The following ZNF846 variants were observed in gnomAD, a reference collection of about 807,000 sequenced individuals.
The protein encoded by ZNF846 is zinc finger protein 420 pseudogene.
Under a neutral mutation model 16.0 loss-of-function variants are expected in ZNF846, and 15 were observed. The ratio of observed to expected loss-of-function variants is 0.94; its 90% confidence interval spans 0.63 to 1.45. The LOEUF (loss-of-function observed/expected upper bound fraction) is 1.45, where lower values mean the gene tolerates loss of function less well. Ranked by LOEUF, ZNF846 falls within the 40% of genes most tolerant of loss-of-function variation. The pLI is 0.00. For synonymous variants in ZNF846, 229 were observed against 212.0 expected (o/e 1.08, Z -0.70); for missense variants, 714 against 622.3 (o/e 1.15, Z -1.57).
Position 9,758,227 on chromosome 19 carries a change from AT to A in ZNF846, c.849del (p.Lys283AsnfsTer75), listed in dbSNP as rs1177833160. On this transcript the variant is annotated frameshift_variant, in exon 6 of 6. Transcript: ENST00000397902. LOFTEE classifies it low-confidence loss of function (END_TRUNC). ...GTGAAGGCTTTCCCACACTCTTTACATTTATATGGTTTTTCTCCACTGTGAG... is the reference window on the plus strand; with the variant it reads ...GTGAAGGCTTTCCCACACTCTTTACATTATATGGTTTTTCTCCACTGTGAG... 1 of 1,613,222 alleles carries A rather than the reference AT, an allele frequency of 6.2e-7. No homozygotes were observed. The highest frequency in any genetic ancestry group is 8.5e-7 in the Non-Finnish European group (1 of 1,179,970).
chr19:9,752,226 G>C (rs887040953), exon 6 of ZNF846: 1 of 167,266 alleles, frequency 6.0e-6, no homozygotes, highest in Non-Finnish European at 1.3e-5. Context: ...TTTTAATCTT[G>C]ATATTCATTA....
At chr19:9,753,235 T>TTG (rs2045102505), downstream of ZNF846, among the ~76,000 whole-genome samples, 1 of 113,544 alleles carries the variant, frequency 8.8e-6, no homozygotes, top group Non-Finnish European at 2.0e-5. Context: ...TTTATTTATT[T>TTG]ATTTATTTAT....
At chr19:9,778,880 T>G (rs2045473547) in intron 1 of ZNF846, among the ~76,000 whole-genome samples, 3 of 140,446 alleles carry the variant, frequency 2.1e-5, no homozygotes. Context: ...CTGGGCTCAA[T>G]CCATCCTCCC....
chr19:9,757,925 G>A (rs1177306565), exon 6 of ZNF846: 2 of 1,613,470 alleles, frequency 1.2e-6, no homozygotes, highest in Non-Finnish European at 8.5e-7. Context: ...GTGTTCTCAT[G>A]TGTAAAACAA....
intron 4 of ZNF846, among the ~76,000 whole-genome samples, chr19:9,761,769 GC>G (rs1215033038): frequency 1.1e-4 from 17 of 152,046 alleles, no homozygotes; most frequent in Middle Eastern, 3.4e-3. Context: ...GAAAACTGAG[GC>G]TGGTAGTAAG....
chr19:9,757,164 C>G (rs1186489345), downstream of ZNF846, among the ~76,000 whole-genome samples: 4 of 150,434 alleles, frequency 2.7e-5, no homozygotes, highest in Admixed American at 6.6e-5. Context: ...CACTGTACTC[C>G]AGCCTGGGTG....
In ZNF846 at chr19:9,762,517, G is replaced by A. The variant is rs536439953; in HGVS notation, c.143-349C>T. On this transcript the variant is annotated intron_variant, in intron 3 of 5. Coordinates refer to ENST00000397902, the Ensembl canonical transcript of ZNF846. ...GCAGGGCATGCTGGCACAGGTCTGTGGTCCCAGCTACTCAGAAGGTTGAGG... is the reference window on the plus strand; with the variant it reads ...GCAGGGCATGCTGGCACAGGTCTGTAGTCCCAGCTACTCAGAAGGTTGAGG... The A allele has an allele frequency of 9.3e-4, 178 of 191,232 alleles. 4 individuals carry two copies. In the South Asian group the frequency reaches 0.017, roughly 18 times the overall value. The allele number at this position is 191,232 out of a possible 1,614,324, so 11.8% of individuals were successfully genotyped here. A position where few individuals can be genotyped will look rare whatever the true frequency, so the allele number is the denominator to read the frequency against.
chr19:9,778,803 CAAAAA>C (rs56001426), intron 1 of ZNF846, among the ~76,000 whole-genome samples: 2 of 51,366 alleles, frequency 3.9e-5, no homozygotes, highest in Non-Finnish European at 8.2e-5. Flanking sequence ...AAACTCGTCT[CAAAAA>C]AAAAAAAAAA....
exon 2 of ZNF846, chr19:9,765,021 C>A (rs1311523982): frequency 2.6e-6 from 4 of 1,567,870 alleles, no homozygotes; most frequent in Non-Finnish European, 3.5e-6. Context: ...CAGAAAGTGT[C>A]CTGGAAAAAA....
chr19:9,762,117 T>C, exon 4 of ZNF846: 1 of 1,614,080 alleles, frequency 6.2e-7, no homozygotes, highest in Non-Finnish European at 8.5e-7. Flanking sequence ...CCTCAGCTCT[T>C]CCATTTGTTC....
intron 3 of ZNF846, 61 bp from the exon 4 acceptor site, chr19:9,762,229 T>TG: frequency 7.7e-7 from 1 of 1,305,946 alleles, no homozygotes; most frequent in Non-Finnish European, 1.1e-6. Flanking sequence ...TGTCCTTCAA[T>TG]GGGGAACCAA....
At chr19:9,753,268 T>TTTA (rs2045103384), downstream of ZNF846, among the ~76,000 whole-genome samples, 1 of 73,796 alleles carries the variant, frequency 1.4e-5, no homozygotes, top group Non-Finnish European at 2.9e-5. Context: ...TTATTTATTT[T>TTTA]TGACATGGAG....
exon 6 of ZNF846, chr19:9,758,435 C>T (rs1255174419): frequency 1.2e-6 from 2 of 1,613,034 alleles, no homozygotes; most frequent in Non-Finnish European, 1.7e-6. Context: ...TTATATGTAA[C>T]TTAAGGGATG....
At position 9,785,200 on chromosome 19, in the gene ZNF846, A is replaced by ATTTT. The variant is rs36014913; in HGVS notation, c.-86+734_-86+737dup. ...CCACCCTGTCTCCCCCTTCACCGAG[A>ATTTT]TTTTTTTTTTTTTTTTTTTTTGAGA... On this transcript the variant is annotated intron_variant, in intron 1 of 4. Transcript: ENST00000586814. Among the ~76,000 whole-genome samples the ATTTT allele has an allele frequency of 1.7e-4, 19 of 114,646 alleles. 1 individual carries two copies. The highest frequency in any genetic ancestry group is 2.7e-4 in the East Asian group (1 of 3,646). 75.2% of individuals were successfully genotyped at this position (114,646 alleles called of 152,430 possible).
downstream of ZNF846, among the ~76,000 whole-genome samples, chr19:9,750,877 G>C (rs1599379027): frequency 6.6e-6 from 1 of 152,088 alleles, no homozygotes; most frequent in Admixed American, 6.5e-5. Flanking sequence ...AACTGCCAAG[G>C]CCTCGATTTA....
At chr19:9,774,242 G>A (rs2045414089) in intron 1 of ZNF846, among the ~76,000 whole-genome samples, 1 of 152,152 alleles carries the variant, frequency 6.6e-6, no homozygotes, top group Non-Finnish European at 1.5e-5. Context: ...GCTGAGGCAG[G>A]AGGATCAGGA....
Position 9,780,048 on chromosome 19 carries a change from G to GTTTTTT in ZNF846, c.-86+5884_-86+5889dup, listed in dbSNP as rs558280116. ...CATGCCACCATGCCCAGCTAATTTT[G>GTTTTTT]TTTTTTTTTTTGTTTTTTTTTTTGT... On this transcript the variant is annotated intron_variant, in intron 1 of 4. Coordinates refer to the ZNF846 transcript ENST00000586814. 3.1e-4 allele frequency among the ~76,000 whole-genome samples: 38 copies of GTTTTTT among 124,300 alleles called. 2 individuals are homozygous for GTTTTTT. The highest frequency in any genetic ancestry group is 9.5e-4 in the African/African-American group (28 of 29,478). The allele number at this position is 124,300 out of a possible 152,430, so 81.5% of individuals were successfully genotyped here.
At chr19:9,772,188 G>A (rs192839604), upstream of ZNF846, among the ~76,000 whole-genome samples, 16 of 152,298 alleles carry the variant, frequency 1.1e-4, no homozygotes, top group Non-Finnish European at 1.6e-4. Context: ...TGTTTTAAAT[G>A]GAGAATTATA....
chr19:9,760,387 G>T (rs1484431138), intron 4 of ZNF846, among the ~76,000 whole-genome samples: 1 of 151,400 alleles, frequency 6.6e-6, no homozygotes, highest in Non-Finnish European at 1.5e-5. Context: ...TGACTAATAA[G>T]TTCAGAAAAC....
Sources: gnomAD v4.1 joint callset for allele counts (sites outside exome capture counted in the v4.1 genomes callset) on GRCh38, gnomAD v4.1.1 for gene constraint, MANE v1.5 for transcripts, NCBI Gene and HGNC (gene_info 2026-07-23, HGNC 2026-07-21) for gene names.